Variants in EPB41L4A observed in about 807,000 individuals in gnomAD.
EPB41L4A encodes band 4.1-like protein 4A.
Under a neutral mutation model 108.6 loss-of-function variants are expected in EPB41L4A, and 100 were observed. That is an observed-to-expected ratio of 0.92 (90% CI 0.78 to 1.09). EPB41L4A has a LOEUF of 1.09. Among genes scored for constraint, EPB41L4A ranks in the 50% least tolerant of loss-of-function variants. The probability of loss-of-function intolerance (pLI) is 0.00; values close to 1 mark genes in which losing one functional copy is unlikely to be tolerated. For synonymous variants in EPB41L4A, 319 were observed against 289.0 expected (o/e 1.10, Z -1.05); for missense variants, 1,030 against 842.7 (o/e 1.22, Z -2.75).
intron 1 of EPB41L4A, among the ~76,000 whole-genome samples, chr5:112,317,483 T>C (rs1364040152): frequency 1.3e-5 from 2 of 152,256 alleles, no homozygotes; most frequent in African/African-American, 4.8e-5. Context: ...CTTAAAATCC[T>C]GAGCTCCTTC....
At chr5:112,337,115 T>C (rs1451224455) in intron 1 of EPB41L4A, among the ~76,000 whole-genome samples, 1 of 152,224 alleles carries the variant, frequency 6.6e-6, no homozygotes, top group Non-Finnish European at 1.5e-5. Flanking sequence ...TAAGATGCAA[T>C]ATTTCATCAT....
chr5:112,152,267 G>T (rs942707609), intron 12 of EPB41L4A, among the ~76,000 whole-genome samples: 5 of 151,908 alleles, frequency 3.3e-5, no homozygotes, highest in Non-Finnish European at 7.4e-5. Context: ...TAAAACAAAG[G>T]TATAATATTT....
At chr5:112,223,235 C>G (rs776005268) in intron 12 of EPB41L4A, among the ~76,000 whole-genome samples, 1 of 152,046 alleles carries the variant, frequency 6.6e-6, no homozygotes, top group Non-Finnish European at 1.5e-5. Context: ...CCACCGTGCC[C>G]GACCGAAAGT....
chr5:112,269,551 G>T lies in EPB41L4A; in HGVS notation c.336-3221C>A, dbSNP rs567882098. 3.5e-3 allele frequency among the ~76,000 whole-genome samples: 534 copies of T among 152,192 alleles called. 3 individuals are homozygous for T. The highest frequency in any genetic ancestry group is 0.012 in the African/African-American group (517 of 41,532). ...GTGTCACTCTGATTAAAGCTATGATGGAATGCTTGAGTCCTCATTTATCTC... is the reference window on the plus strand; with the variant it reads ...GTGTCACTCTGATTAAAGCTATGATTGAATGCTTGAGTCCTCATTTATCTC... On this transcript the variant is annotated intron_variant, in intron 4 of 22. Coordinates refer to ENST00000261486, the MANE Select transcript of EPB41L4A (RefSeq NM_022140.5).
At chr5:112,419,706 C>T (rs1168798255), upstream of EPB41L4A, 1 of 456,734 alleles carries the variant, frequency 2.2e-6, no homozygotes, top group African/African-American at 2.0e-5. Context: ...CGTCCCCCAG[C>T]CGCAAGCGCC....
chr5:112,244,011 A>G (rs1750016601), intron 9 of EPB41L4A, among the ~76,000 whole-genome samples: 2 of 152,248 alleles, frequency 1.3e-5, no homozygotes, highest in South Asian at 2.1e-4. Context: ...AACTGGCACA[A>G]GAGGCCTAGC....
intron 1 of EPB41L4A, among the ~76,000 whole-genome samples, chr5:112,390,628 G>C (rs1322509868): frequency 6.6e-6 from 1 of 152,196 alleles, no homozygotes; most frequent in Non-Finnish European, 1.5e-5. Context: ...CGGCATAGCT[G>C]AACAAAAGGC....
At chr5:112,366,201 G>T (rs2112512655) in intron 1 of EPB41L4A, among the ~76,000 whole-genome samples, 1 of 151,862 alleles carries the variant, frequency 6.6e-6, no homozygotes, top group African/African-American at 2.4e-5. Context: ...CCTGCCACCT[G>T]CAACCACAGC....
chr5:112,405,189 T>C (rs1282150037), intron 1 of EPB41L4A, among the ~76,000 whole-genome samples: 2 of 152,172 alleles, frequency 1.3e-5, no homozygotes, highest in Non-Finnish European at 2.9e-5. Context: ...TCAGCTGCCA[T>C]ATTGCAAAGT....
At chr5:112,155,592 C>T (rs1485733875) in intron 12 of EPB41L4A, among the ~76,000 whole-genome samples, 3 of 152,082 alleles carry the variant, frequency 2.0e-5, no homozygotes. Context: ...TTCCCCACCA[C>T]CACATCTTCC....
At chr5:112,259,513 T>A (rs745924709) in intron 8 of EPB41L4A, among the ~76,000 whole-genome samples, 12 of 152,182 alleles carry the variant, frequency 7.9e-5, no homozygotes, top group Admixed American at 3.3e-4. Flanking sequence ...GACCTTAGAA[T>A]CCCTAGATTG....
intron 1 of EPB41L4A, among the ~76,000 whole-genome samples, chr5:112,407,075 G>A (rs1762117243): frequency 6.6e-6 from 1 of 152,004 alleles, no homozygotes; most frequent in Non-Finnish European, 1.5e-5. Context: ...GAACTACTGG[G>A]CAAAAGCATG....
chr5:112,298,931 C>A (rs143456899), intron 2 of EPB41L4A, among the ~76,000 whole-genome samples: 3 of 152,200 alleles, frequency 2.0e-5, no homozygotes, highest in South Asian at 2.1e-4. Context: ...AGTTTATGCA[C>A]GTAAATGTGT....
At chr5:112,334,508 A>T (rs1756792943) in intron 1 of EPB41L4A, among the ~76,000 whole-genome samples, 1 of 152,122 alleles carries the variant, frequency 6.6e-6, no homozygotes, top group Non-Finnish European at 1.5e-5. Flanking sequence ...ACAACCCCTT[A>T]TCTTAACCCA....
intron 1 of EPB41L4A, among the ~76,000 whole-genome samples, chr5:112,364,078 A>C (rs1758963624): frequency 6.6e-6 from 1 of 152,162 alleles, no homozygotes; most frequent in South Asian, 2.1e-4. Context: ...CCCAGGCTGG[A>C]GTGCAGTGGC....
chr5:112,157,739 T>G (rs150987174), downstream of EPB41L4A, among the ~76,000 whole-genome samples: 2 of 152,368 alleles, frequency 1.3e-5, no homozygotes, highest in African/African-American at 4.8e-5. Context: ...TAATCACATA[T>G]GCAAAGCCCC....
At chr5:112,267,528 C>G (rs974679739) in intron 4 of EPB41L4A, among the ~76,000 whole-genome samples, 2 of 152,160 alleles carry the variant, frequency 1.3e-5, no homozygotes, top group African/African-American at 2.4e-5. Context: ...ATGGCACCCC[C>G]GCCTTCAGAT....
chr5:112,385,959 T>C (rs1270611127), intron 1 of EPB41L4A, among the ~76,000 whole-genome samples: 1 of 152,240 alleles, frequency 6.6e-6, no homozygotes, highest in African/African-American at 2.4e-5. Flanking sequence ...GAAATAGTTG[T>C]GAGCTCATTG....
At chr5:112,197,292 C>T (rs1018474550) in intron 15 of EPB41L4A, among the ~76,000 whole-genome samples, 5 of 152,192 alleles carry the variant, frequency 3.3e-5, no homozygotes, top group African/African-American at 1.2e-4. Context: ...ATGCCCCATG[C>T]TCCATTTCCT....
Sources: gnomAD v4.1 joint callset for allele counts (sites outside exome capture counted in the v4.1 genomes callset) on GRCh38, gnomAD v4.1.1 for gene constraint, MANE v1.5 for transcripts, NCBI Gene and HGNC (gene_info 2026-07-23, HGNC 2026-07-21) for gene names.